Variants in RARB observed in about 807,000 individuals in gnomAD.
The protein encoded by RARB is HBV-activated protein.
RARB carries 17 observed loss-of-function variants against 51.9 expected under a neutral mutation model. The ratio of observed to expected loss-of-function variants is 0.33; its 90% CI spans 0.22 to 0.49. The LOEUF (loss-of-function observed/expected upper bound fraction) is 0.49. Ranked by LOEUF, RARB falls within the 20% of genes least tolerant of loss-of-function variation. RARB has a pLI of 0.99. For synonymous variants in RARB, 215 were observed against 195.4 expected, an observed-to-expected ratio of 1.10 and a Z score of -0.84; for missense variants, 369 against 550.8, an observed-to-expected ratio of 0.67 and a Z score of 3.30.
chr3:24,907,163 TG>T (rs1457889328), intron 2 of RARB, among the ~76,000 whole-genome samples: 2 of 152,160 alleles, frequency 1.3e-5, no homozygotes, highest in Non-Finnish European at 2.9e-5. Context: ...AAAAGGGCCA[TG>T]GGCAAACCCC....
intron 3 of RARB, among the ~76,000 whole-genome samples, chr3:25,524,978 C>T (rs565450129): frequency 1.3e-5 from 2 of 152,182 alleles, no homozygotes; most frequent in East Asian, 1.9e-4. Context: ...ATCCACCCCC[C>T]TCAGCCTCCC....
Position 25,220,559 on chromosome 3 carries a change from C to A in RARB, c.178+45984C>A, listed in dbSNP as rs146369952. 2.7e-3 allele frequency among the ~76,000 whole-genome samples: 407 copies of A among 152,280 alleles called. 2 individuals carry two copies. Among genetic ancestry groups the A allele is most frequent in the African/African-American group, 9.4e-3 (392 of 41,538 alleles). ...AATTGAATCATGGGGGCAGTTTCCG[C>A]CCTGCTGTTCTTGTCTTAGTGAGTT... On this transcript the variant is annotated intron_variant, in intron 5 of 11. Coordinates refer to the RARB transcript ENST00000383772.
chr3:25,308,674 C>G (rs1368169007), intron 5 of RARB, among the ~76,000 whole-genome samples: 1 of 152,198 alleles, frequency 6.6e-6, no homozygotes, highest in Non-Finnish European at 1.5e-5. Flanking sequence ...TCTCAAACTC[C>G]TGACCTCAAA....
At chr3:25,405,394 G>A (rs1300181592) in intron 5 of RARB, among the ~76,000 whole-genome samples, 1 of 152,120 alleles carries the variant, frequency 6.6e-6, no homozygotes, top group Non-Finnish European at 1.5e-5. Flanking sequence ...AAAACAAAAT[G>A]ACAGCCATGA....
intron 2 of RARB, among the ~76,000 whole-genome samples, chr3:25,059,389 A>T (rs953951592): frequency 2.0e-5 from 3 of 151,740 alleles, no homozygotes; most frequent in African/African-American, 7.2e-5. Flanking sequence ...CCAGAAAAAA[A>T]CCATACCGAT....
intron 5 of RARB, among the ~76,000 whole-genome samples, chr3:25,250,743 G>A (rs1257323492): frequency 2.6e-5 from 4 of 152,144 alleles, no homozygotes; most frequent in Non-Finnish European, 5.9e-5. Context: ...AGCTGCTTAG[G>A]ACTTGGCGGC....
chr3:25,423,931 A>G (rs942076584), upstream of RARB, among the ~76,000 whole-genome samples: 1 of 152,226 alleles, frequency 6.6e-6, no homozygotes, highest in Non-Finnish European at 1.5e-5. Context: ...ACCAACCGAA[A>G]CTGTTGGGCT....
chr3:24,984,265 A>G (rs73143050), intron 2 of RARB, among the ~76,000 whole-genome samples: 1 of 152,222 alleles, frequency 6.6e-6, no homozygotes, highest in African/African-American at 2.4e-5. Flanking sequence ...AGCAATAGCA[A>G]CATGGAAATG....
chr3:25,554,741 G>T (rs2125671936), intron 3 of RARB, among the ~76,000 whole-genome samples: 1 of 152,290 alleles, frequency 6.6e-6, no homozygotes. Flanking sequence ...ATAAAGAAAA[G>T]GAATTTCTTT....
chr3:25,217,641 C>T (rs1701863242), intron 5 of RARB, among the ~76,000 whole-genome samples: 1 of 152,146 alleles, frequency 6.6e-6, no homozygotes, highest in South Asian at 2.1e-4. Context: ...GACCTTTTGT[C>T]TCCCCCTGAA....
At chr3:25,412,721 A>G (rs1707594864) in intron 5 of RARB, among the ~76,000 whole-genome samples, 4 of 152,224 alleles carry the variant, frequency 2.6e-5, no homozygotes, top group African/African-American at 9.6e-5. Context: ...CAGATCGAGA[A>G]AAAGAACATG....
At chr3:24,926,526 A>G (rs139281024) in intron 2 of RARB, among the ~76,000 whole-genome samples, 257 of 152,236 alleles carry the variant, frequency 1.7e-3, no homozygotes, top group African/African-American at 6.0e-3. Context: ...AAACCTAGTC[A>G]GGTCACCAGG....
At chr3:25,387,632 G>A (rs1052077098) in intron 5 of RARB, among the ~76,000 whole-genome samples, 7 of 152,092 alleles carry the variant, frequency 4.6e-5, no homozygotes, top group Non-Finnish European at 8.8e-5. Flanking sequence ...CCTTGGCTTT[G>A]AAATCCACTC....
At chr3:25,530,464 C>T (rs76337654) in intron 3 of RARB, among the ~76,000 whole-genome samples, 5,480 of 152,262 alleles carry the variant, frequency 0.036, 130 homozygotes, top group Non-Finnish European at 0.054. Flanking sequence ...AATTTGGCAG[C>T]GCTGCATTCC....
At chr3:24,935,054 C>A (rs899491735) in intron 2 of RARB, among the ~76,000 whole-genome samples, 1 of 152,044 alleles carries the variant, frequency 6.6e-6, no homozygotes, top group Non-Finnish European at 1.5e-5. Flanking sequence ...ATTGCATTAA[C>A]GTATGTTTTC....
At chr3:24,952,579 T>C (rs1287785114) in intron 2 of RARB, among the ~76,000 whole-genome samples, 1 of 152,158 alleles carries the variant, frequency 6.6e-6, no homozygotes, top group Non-Finnish European at 1.5e-5. Context: ...AAAGACCACA[T>C]GGGCTTTACT....
chr3:24,898,656 G>T (rs1280136422), intron 2 of RARB, among the ~76,000 whole-genome samples: 3 of 152,086 alleles, frequency 2.0e-5, no homozygotes, highest in Non-Finnish European at 1.5e-5. Context: ...TATATCAATT[G>T]TAGTACATAG....
At chr3:25,433,105 C>G (rs565347728) in intron 1 of RARB, among the ~76,000 whole-genome samples, 1 of 152,118 alleles carries the variant, frequency 6.6e-6, no homozygotes, top group Non-Finnish European at 1.5e-5. Flanking sequence ...GAAGGTTAAT[C>G]AGAAAAATCT....
chr3:25,156,415 G>C (rs2125343854), intron 4 of RARB, among the ~76,000 whole-genome samples: 1 of 147,374 alleles, frequency 6.8e-6, no homozygotes, highest in Middle Eastern at 3.7e-3. Context: ...AAAATGTCAT[G>C]GAAATGTGGC....
Sources: allele counts gnomAD v4.1 joint callset (sites outside exome capture counted in the v4.1 genomes callset), GRCh38; gene constraint gnomAD v4.1.1; transcripts MANE v1.5; gene names NCBI Gene and HGNC (gene_info 2026-07-23, HGNC 2026-07-21).